Variants in CSMD2 observed in about 807,000 individuals in gnomAD.
The protein encoded by CSMD2 is CUB and Sushi multiple domains 2.
In CSMD2, 130 loss-of-function variants were observed where a neutral mutation model predicts 398.5. The ratio of observed to expected loss-of-function variants is 0.33; its 90% CI spans 0.28 to 0.38. CSMD2 has a LOEUF of 0.38. CSMD2 is among the 10% of genes least tolerant of loss of function. The pLI is 1.00. For synonymous variants in CSMD2, 1,828 were observed against 1,908.5 expected (o/e 0.96, Z 1.10); for missense variants, 3,829 against 4,764.9 (o/e 0.80, Z 5.78).
At chr1:33,754,759 A>C (rs187252956) in intron 13 of CSMD2, among the ~76,000 whole-genome samples, 126 of 152,250 alleles carry the variant, frequency 8.3e-4, no homozygotes, top group Admixed American at 4.6e-3. Flanking sequence ...TTTGATGGGT[A>C]ATTTATAGGG....
At chr1:34,094,462 G>C (rs1659031507) in intron 1 of CSMD2, among the ~76,000 whole-genome samples, 2 of 152,006 alleles carry the variant, frequency 1.3e-5, no homozygotes, top group Admixed American at 1.3e-4. Flanking sequence ...ACACAGACTG[G>C]CAAATTGGAT....
Position 33,714,762 on chromosome 1 carries a change from C to G in CSMD2, c.3231G>C (p.Glu1077Asp). The G allele has an allele frequency of 6.2e-7, 1 of 1,614,068 alleles. No homozygotes were observed. Residue 1077 changes from glutamate (E) to aspartate (D), a missense_variant, in exon 21 of 71, where the codon GAG (glutamate) becomes GAC (aspartate). This residue lies in a region of CSMD2 where 2,001 missense variants were observed against 2,567.1 expected (regional missense o/e 0.78). Coordinates refer to ENST00000373381, the MANE Select transcript of CSMD2 (RefSeq NM_001281956.2). ...FNITFSEYDL[E>D]PCEEPEVPAY... ...CTGGGACCTCGGGCTCCTCACAGGG[C>G]TCCAAGTCGTACTCTGGAAAGGTAG... is the stretch of plus-strand genomic sequence containing the variant.
intron 3 of CSMD2, among the ~76,000 whole-genome samples, chr1:33,985,829 T>G (rs1033266378): frequency 2.6e-5 from 4 of 152,092 alleles, no homozygotes; most frequent in South Asian, 2.1e-4. Context: ...AGCGGAGGCC[T>G]GGAATCTCTT....
intron 44 of CSMD2, chr1:33,600,596 A>G: frequency 1.8e-6 from 1 of 548,900 alleles, no homozygotes; most frequent in Non-Finnish European, 3.2e-6. Flanking sequence ...GATGTGAATG[A>G]GTGGACTTGG....
intron 3 of CSMD2, among the ~76,000 whole-genome samples, chr1:33,948,620 G>A (rs974072705): frequency 6.6e-6 from 1 of 152,086 alleles, no homozygotes; most frequent in Non-Finnish European, 1.5e-5. Context: ...TACAAGCCAC[G>A]TCCATCTCAA....
At chr1:33,897,580 C>T (rs1294112672) in intron 5 of CSMD2, among the ~76,000 whole-genome samples, 7 of 152,156 alleles carry the variant, frequency 4.6e-5, no homozygotes, top group African/African-American at 1.7e-4. Context: ...AAGAGGTCAC[C>T]CCTCCTGCAG....
chr1:34,023,722 C>A (rs1456038462), intron 3 of CSMD2, among the ~76,000 whole-genome samples: 3 of 152,158 alleles, frequency 2.0e-5, no homozygotes, highest in Admixed American at 1.3e-4. Flanking sequence ...ACCCTAGATT[C>A]TTTCTAGACC....
intron 3 of CSMD2, among the ~76,000 whole-genome samples, chr1:33,972,959 C>T (rs147004743): frequency 1.3e-5 from 2 of 152,294 alleles, no homozygotes; most frequent in East Asian, 3.9e-4. Context: ...TCCATTCAGG[C>T]TTCTCCCTTG....
At chr1:34,136,057 C>G (rs772285938) in intron 1 of CSMD2, among the ~76,000 whole-genome samples, 5 of 152,050 alleles carry the variant, frequency 3.3e-5, no homozygotes, top group Non-Finnish European at 7.4e-5. Flanking sequence ...GAGAGAGAGG[C>G]ATGGCTGGAA....
At chr1:33,864,169 A>G in intron 5 of CSMD2, 1 of 1,571,930 alleles carries the variant, frequency 6.4e-7, no homozygotes, top group Non-Finnish European at 8.6e-7. Context: ...TACTGAATCC[A>G]GAAAAAAGGT....
chr1:33,655,509 T>C (rs1045008081), intron 27 of CSMD2, among the ~76,000 whole-genome samples: 6 of 152,216 alleles, frequency 3.9e-5, no homozygotes, highest in Admixed American at 1.3e-4. Context: ...GCAATTTGTC[T>C]AAGGCCACAC....
At chr1:33,960,087 CT>C (rs1645302891) in intron 3 of CSMD2, among the ~76,000 whole-genome samples, 1 of 152,140 alleles carries the variant, frequency 6.6e-6, no homozygotes, top group Non-Finnish European at 1.5e-5. Context: ...AGTGAGGACC[CT>C]ACCCTGCTCC....
At position 33,624,570 on chromosome 1, in the gene CSMD2, G is replaced by A. The variant is rs1641980477; in HGVS notation, c.5574C>T (p.Asn1858=). The change falls in exon 35 of 71, where the codon AAC becomes AAT. Residue 1858 remains asparagine (N), a synonymous_variant. Coordinates refer to ENST00000373381, the MANE Select transcript of CSMD2 (RefSeq NM_001281956.2). This position sits in a 1 kb window ranked among gnomAD's most constrained non-coding sequence, Gnocchi z 4.7. ...LSPGFPEPYL[N]SLNCVWKIVV... is the part of the protein sequence containing the mutation. ...CGATCTTCCACACACAGTTGAGGCT[G>A]TTGAGGTACGGCTCTGGGAAGCCAG... 6.2e-7 allele frequency: 1 copy of A among 1,613,912 alleles called. No individual in the cohort carries two copies. Among genetic ancestry groups the A allele is most frequent in the South Asian group, 1.1e-5 (1 of 91,090 alleles).
chr1:33,890,091 CTTTA>C (rs1641890893), intron 5 of CSMD2, among the ~76,000 whole-genome samples: 1 of 151,776 alleles, frequency 6.6e-6, no homozygotes, highest in African/African-American at 2.4e-5. Context: ...CATAGAGTTT[CTTTA>C]TTCAGTTTTT....
In CSMD2 at chr1:33,745,910, G is replaced by A. The variant is rs1254803784; in HGVS notation, c.1847-2304C>T. 4.6e-5 allele frequency among the ~76,000 whole-genome samples: 7 copies of A among 152,204 alleles called. No individual in the cohort carries two copies. The East Asian group carries it at 5.8e-4, about 13-fold the overall frequency. The stretch of plus-strand genomic sequence containing the variant: ...AATTTAACTGTCACTATAATGCTAC[G>A]AGGTAGGTATTGTTATTAACCCCAT... On this transcript the variant is annotated intron_variant, in intron 13 of 70. Transcript: ENST00000373381.
intron 46 of CSMD2, 36 bp from the exon 47 acceptor site, chr1:33,583,866 G>A (rs1342690223): frequency 1.0e-5 from 16 of 1,580,466 alleles, no homozygotes; most frequent in Admixed American, 3.4e-5. Flanking sequence ...AGTACGTGGG[G>A]GTGGAGATGG....
rs1409950147 is a variant in CSMD2 at position 33,664,858 on chromosome 1, T to C, written c.4053-1766A>G. 1.1e-4 allele frequency among the ~76,000 whole-genome samples: 17 copies of C among 152,180 alleles called. No homozygotes were observed. The East Asian group carries it at 3.3e-3, about 29-fold the overall frequency. The stretch of plus-strand genomic sequence containing the variant: ...AATAAAATAAATAAAAATTTTAAAA[T>C]AAATCTTGCTAAATTATCCTCTCAA... On this transcript the variant is annotated intron_variant, in intron 25 of 70. Transcript: ENST00000373381.
chr1:33,557,967 G>A (rs147163876), intron 54 of CSMD2, 45 bp from the exon 55 acceptor site: 4 of 1,500,220 alleles, frequency 2.7e-6, no homozygotes, highest in East Asian at 2.5e-5. Context: ...TCCCAGTATA[G>A]TAAAATCTTC....
At chr1:33,875,607 A>G (rs1161090502) in intron 5 of CSMD2, 1 of 152,156 alleles carries the variant, frequency 6.6e-6, no homozygotes, top group Non-Finnish European at 1.5e-5. Flanking sequence ...GAAATAATTC[A>G]CTGTAGGATT....
Sources: allele counts gnomAD v4.1 joint callset (sites outside exome capture counted in the v4.1 genomes callset), GRCh38; gene constraint gnomAD v4.1.1; regional missense constraint gnomAD v4.1.1; non-coding constraint Gnocchi (gnomAD v3.1); transcripts MANE v1.5; gene names NCBI Gene and HGNC (gene_info 2026-07-23, HGNC 2026-07-21).